WDPCP: variants seen among roughly 807,000 people sequenced by gnomAD.
WDPCP encodes the protein WD repeat containing planar cell polarity effector, also known as WD repeat-containing and planar cell polarity effector protein fritz homolog.
In WDPCP, 71 loss-of-function variants were observed where a neutral mutation model predicts 93.1. The ratio of observed to expected loss-of-function variants is 0.76; its 90% CI spans 0.63 to 0.93. The LOEUF (loss-of-function observed/expected upper bound fraction) is 0.93, where lower values mean the gene tolerates loss of function less well. WDPCP is among the 40% of genes least tolerant of loss of function. The pLI, the probability that WDPCP is intolerant of heterozygous loss-of-function variation, is 0.00. For missense variants in WDPCP, 844 were observed against 887.4 expected (o/e 0.95, Z 0.62); for synonymous variants, 315 against 315.0 (o/e 1.00, Z 0.00).
intron 10 of WDPCP, among the ~76,000 whole-genome samples, chr2:63,401,188 T>C (rs1234236086): frequency 1.3e-5 from 2 of 152,214 alleles, no homozygotes; most frequent in East Asian, 3.9e-4. Context: ...CCAAAGAAAC[T>C]ATCATCAGAG....
chr2:63,734,521 C>T (rs902163055), intron 2 of WDPCP, among the ~76,000 whole-genome samples: 3 of 152,318 alleles, frequency 2.0e-5, no homozygotes, highest in Non-Finnish European at 2.9e-5. Context: ...AAGGCCATGA[C>T]TTTTCTCAGT....
At chr2:63,211,198 G>C (rs1351275337) in intron 14 of WDPCP, among the ~76,000 whole-genome samples, 1 of 152,218 alleles carries the variant, frequency 6.6e-6, no homozygotes, top group Non-Finnish European at 1.5e-5. Flanking sequence ...TAACTGGGAG[G>C]CATCGCTGAG....
chr2:63,468,846 T>C (rs1294517106), intron 6 of WDPCP, among the ~76,000 whole-genome samples: 1 of 152,186 alleles, frequency 6.6e-6, no homozygotes, highest in Non-Finnish European at 1.5e-5. Context: ...CCAATATCTG[T>C]TATTTCTCTC....
intron 2 of WDPCP, among the ~76,000 whole-genome samples, chr2:63,805,485 G>T (rs1233092346): frequency 6.6e-6 from 1 of 152,110 alleles, no homozygotes; most frequent in East Asian, 1.9e-4. Context: ...GACTCAGTTT[G>T]GTTCAGAACT....
intron 14 of WDPCP, among the ~76,000 whole-genome samples, chr2:63,192,488 A>G (rs1675124407): frequency 6.6e-6 from 1 of 152,196 alleles, no homozygotes; most frequent in Non-Finnish European, 1.5e-5. Context: ...GCCCATTTGC[A>G]TATATTATCT....
intron 2 of WDPCP, among the ~76,000 whole-genome samples, chr2:63,656,517 A>G (rs1710167936): frequency 6.6e-6 from 1 of 152,260 alleles, no homozygotes; most frequent in Non-Finnish European, 1.5e-5. Context: ...CCAAGGAGAC[A>G]CACAAACATT....
At chr2:63,203,425 T>A (rs1247104963) in intron 14 of WDPCP, among the ~76,000 whole-genome samples, 1 of 152,092 alleles carries the variant, frequency 6.6e-6, no homozygotes, top group Non-Finnish European at 1.5e-5. Flanking sequence ...TCTAACTATC[T>A]TTTTTTGGTA....
chr2:63,656,241 C>G (rs1710164240), intron 2 of WDPCP, among the ~76,000 whole-genome samples: 1 of 152,170 alleles, frequency 6.6e-6, no homozygotes. Context: ...CTGCAACAAC[C>G]TGTCTACTTC....
At chr2:63,716,709 C>T (rs1305388446) in intron 2 of WDPCP, among the ~76,000 whole-genome samples, 1 of 152,040 alleles carries the variant, frequency 6.6e-6, no homozygotes, top group East Asian at 1.9e-4. Context: ...ATGCACTGCC[C>T]CATGAGGACT....
intron 13 of WDPCP, among the ~76,000 whole-genome samples, chr2:63,274,042 A>G (rs1191072727): frequency 5.9e-5 from 9 of 152,184 alleles, no homozygotes; most frequent in Admixed American, 5.9e-4. Flanking sequence ...ACAGTTACGA[A>G]ATATGTACTC....
intron 14 of WDPCP, among the ~76,000 whole-genome samples, chr2:63,206,192 G>A (rs181412797): frequency 3.9e-5 from 6 of 152,172 alleles, no homozygotes; most frequent in African/African-American, 7.2e-5. Flanking sequence ...CATGATGAAC[G>A]CTCTTTTTAA....
intron 1 of WDPCP, among the ~76,000 whole-genome samples, chr2:63,505,875 A>C (rs1701838392): frequency 6.6e-6 from 1 of 152,096 alleles, no homozygotes; most frequent in Admixed American, 6.6e-5. Flanking sequence ...CTTGTTCTTG[A>C]GGATATCAAA....
At chr2:63,722,547 C>T (rs1459351205) in intron 2 of WDPCP, among the ~76,000 whole-genome samples, 5 of 123,178 alleles carry the variant, frequency 4.1e-5, no homozygotes, top group Admixed American at 1.6e-4. Context: ...CCGCCCCATC[C>T]GGGAGGGAGG....
chr2:63,688,425 T>TAA (rs778929957), intron 2 of WDPCP, among the ~76,000 whole-genome samples: 6 of 135,712 alleles, frequency 4.4e-5, no homozygotes, highest in Non-Finnish European at 8.0e-5. Context: ...AGACTCCATC[T>TAA]AAAAAAAAAA....
At chr2:63,832,821 A>C (rs990710428), upstream of WDPCP, among the ~76,000 whole-genome samples, 2 of 152,218 alleles carry the variant, frequency 1.3e-5, no homozygotes, top group Non-Finnish European at 2.9e-5. Flanking sequence ...TAGTCTATGA[A>C]GGGGAAATAA....
At chr2:63,798,937 T>C (rs1263702250) in intron 2 of WDPCP, among the ~76,000 whole-genome samples, 1 of 152,172 alleles carries the variant, frequency 6.6e-6, no homozygotes, top group African/African-American at 2.4e-5. Flanking sequence ...TATACTTATA[T>C]CAAACAAAAT....
intron 2 of WDPCP, among the ~76,000 whole-genome samples, chr2:63,675,004 T>C (rs549626000): frequency 4.6e-5 from 7 of 152,338 alleles, no homozygotes; most frequent in Non-Finnish European, 8.8e-5. Context: ...CTTGTTCTTA[T>C]GCCAGCCTAT....
chr2:63,323,315 T>C (rs1575141536), intron 12 of WDPCP, among the ~76,000 whole-genome samples: 2 of 152,304 alleles, frequency 1.3e-5, no homozygotes, highest in Middle Eastern at 3.4e-3. Context: ...GTTTCTCCTA[T>C]AAGAATGATT....
chr2:63,496,886 C>T (rs1337986296), intron 1 of WDPCP, among the ~76,000 whole-genome samples: 3 of 151,748 alleles, frequency 2.0e-5, no homozygotes, highest in African/African-American at 4.8e-5. Flanking sequence ...CTGAGGCAGG[C>T]GGATCACTTG....
Sources: allele counts gnomAD v4.1 joint callset (sites outside exome capture counted in the v4.1 genomes callset), GRCh38; gene constraint gnomAD v4.1.1; transcripts MANE v1.5; gene names NCBI Gene and HGNC (gene_info 2026-07-23, HGNC 2026-07-21).